RNF128: variants seen among roughly 807,000 people sequenced by gnomAD.
RNF128 encodes the protein ring finger protein 128, also known as E3 ubiquitin-protein ligase RNF128.
RNF128 carries 13 observed loss-of-function variants against 26.2 expected under a neutral mutation model. The ratio of observed to expected loss-of-function variants is 0.50; its 90% CI spans 0.32 to 0.79. The LOEUF (loss-of-function observed/expected upper bound fraction) is 0.79, where lower values mean the gene tolerates loss of function less well. Ranked by LOEUF, RNF128 falls within the 30% of genes least tolerant of loss-of-function variation. The probability of loss-of-function intolerance (pLI) is 0.03; values close to 1 mark genes in which losing one functional copy is unlikely to be tolerated. For synonymous variants in RNF128, 149 were observed against 142.5 expected (o/e 1.05, Z -0.32); for missense variants, 315 against 349.7 (o/e 0.90, Z 0.79).
chrX:106,770,075 G>T (rs746501150), intron 1 of RNF128, among the ~76,000 whole-genome samples: 35 of 111,704 alleles, frequency 3.1e-4, no homozygotes, highest in Non-Finnish European at 4.7e-4. Flanking sequence ...TATTGGCCCC[G>T]ACTCTCTTCT....
chrX:106,693,914 C>T, exon 1 of RNF128: 1 of 857,461 alleles, frequency 1.2e-6, no homozygotes, highest in East Asian at 3.2e-5. Context: ...TTTCAAACTT[C>T]TGTTCAGCAG....
At chrX:106,729,199 CACTCT>C (rs1299438329) in intron 1 of RNF128, among the ~76,000 whole-genome samples, 8 of 111,221 alleles carry the variant, frequency 7.2e-5, no homozygotes, top group African/African-American at 2.6e-4. Flanking sequence ...ATATGCCAGG[CACTCT>C]ACATACATAT....
At chrX:106,726,136 T>C (rs766982832), upstream of RNF128, among the ~76,000 whole-genome samples, 45 of 112,260 alleles carry the variant, frequency 4.0e-4, no homozygotes, top group African/African-American at 1.5e-3. Flanking sequence ...AGGCATCTGA[T>C]GCGGTACATG....
intron 1 of RNF128, among the ~76,000 whole-genome samples, chrX:106,739,791 G>T (rs1166242838): frequency 9.0e-6 from 1 of 110,871 alleles, no homozygotes; most frequent in Non-Finnish European, 1.9e-5. Context: ...ATATACTCAG[G>T]TACTAGAATG....
intron 5 of RNF128, 38 bp from the exon 6 acceptor site, chrX:106,791,028 C>T (rs1930813429): frequency 3.4e-6 from 4 of 1,164,880 alleles, no homozygotes; most frequent in Non-Finnish European, 4.6e-6. Flanking sequence ...AAAGCGTGTA[C>T]ACTGAGAGGC....
intron 1 of RNF128, chrX:106,694,517 C>A: frequency 1.9e-6 from 1 of 530,602 alleles, no homozygotes; most frequent in Non-Finnish European, 2.8e-6. Flanking sequence ...AATAATTTTA[C>A]TTTAAATTTT....
intron 6 of RNF128, among the ~76,000 whole-genome samples, chrX:106,794,323 G>A (rs1318038857): frequency 1.8e-5 from 2 of 111,463 alleles, no homozygotes; most frequent in Admixed American, 9.6e-5. Context: ...AACACAAGGT[G>A]TTCTAGGTCT....
chrX:106,782,737 G>A (rs1930587473), intron 2 of RNF128, among the ~76,000 whole-genome samples: 1 of 111,494 alleles, frequency 9.0e-6, no homozygotes, highest in African/African-American at 3.3e-5. Flanking sequence ...TAAGGAAATG[G>A]TAGGAGTAGC....
At chrX:106,705,953 T>C (rs1310134035) in intron 1 of RNF128, among the ~76,000 whole-genome samples, 1 of 111,521 alleles carries the variant, frequency 9.0e-6, no homozygotes, top group Non-Finnish European at 1.9e-5. Context: ...AGAAGGAGTG[T>C]GATTTGATTG....
chrX:106,700,370 T>G (rs953870747), intron 1 of RNF128, among the ~76,000 whole-genome samples: 2 of 111,310 alleles, frequency 1.8e-5, no homozygotes, highest in African/African-American at 6.5e-5. Flanking sequence ...CACTAGATTG[T>G]AAGTTCCAGG....
chrX:106,724,037 G>A (rs1204918028), upstream of RNF128, among the ~76,000 whole-genome samples: 2 of 110,798 alleles, frequency 1.8e-5, no homozygotes, highest in African/African-American at 6.6e-5. Context: ...GTTCTACCTG[G>A]TTACATCATA....
chrX:106,769,546 G>GTTTTTTTTTT (rs752900867), intron 1 of RNF128, among the ~76,000 whole-genome samples: 1 of 65,115 alleles, frequency 1.5e-5, no homozygotes, highest in East Asian at 5.6e-4. Flanking sequence ...CACCTGCTTT[G>GTTTTTTTTTT]TTTTTTTTTT....
intron 1 of RNF128, among the ~76,000 whole-genome samples, chrX:106,717,071 C>T (rs1464101185): frequency 9.1e-6 from 1 of 110,026 alleles, no homozygotes; most frequent in Non-Finnish European, 1.9e-5. Context: ...GGCGTGGTGG[C>T]GGGCGCCTGT....
At chrX:106,773,311 C>G in intron 2 of RNF128, 151 bp downstream of exon 2, 1 of 548,971 alleles carries the variant, frequency 1.8e-6, no homozygotes, top group Non-Finnish European at 2.8e-6. Flanking sequence ...TATGTCAGCT[C>G]TTCTCAAAGG....
chrX:106,784,997 T>C, intron 2 of RNF128, 68 bp from the exon 3 acceptor site: 1 of 766,044 alleles, frequency 1.3e-6, no homozygotes, highest in South Asian at 2.7e-5. Flanking sequence ...ATTGATCCTC[T>C]CTATCTTTTT....
chrX:106,788,076 T>C, intron 4 of RNF128, 76 bp downstream of exon 4: 4 of 533,039 alleles, frequency 7.5e-6, no homozygotes, highest in South Asian at 4.2e-5. Flanking sequence ...GAAAACTATT[T>C]TGAATATTTC....
intron 2 of RNF128, 141 bp from the exon 3 acceptor site, chrX:106,784,924 T>C (rs1930628505): frequency 6.8e-6 from 3 of 444,094 alleles, no homozygotes; most frequent in Middle Eastern, 6.9e-4. Flanking sequence ...ACATTTATTA[T>C]GGCTAATTAA....
At chrX:106,714,923 A>G (rs913546148) in intron 1 of RNF128, among the ~76,000 whole-genome samples, 1 of 112,078 alleles carries the variant, frequency 8.9e-6, no homozygotes, top group Admixed American at 9.5e-5. Context: ...CATGGTATAG[A>G]TGTACCACAG....
intron 1 of RNF128, among the ~76,000 whole-genome samples, chrX:106,761,071 GC>G (rs1350953456): frequency 1.8e-5 from 2 of 111,577 alleles, no homozygotes; most frequent in African/African-American, 6.5e-5. Context: ...AAATTAACAA[GC>G]AAAAATCCAA....
Sources: gnomAD v4.1 joint callset for allele counts (sites outside exome capture counted in the v4.1 genomes callset) on GRCh38, gnomAD v4.1.1 for gene constraint, MANE v1.5 for transcripts, NCBI Gene and HGNC (gene_info 2026-07-23, HGNC 2026-07-21) for gene names.